The following EEA1 variants were observed in gnomAD, a reference collection of about 807,000 sequenced individuals.
EEA1 encodes the protein early endosome antigen 1, 162kD.
A neutral mutation model predicts 209.2 loss-of-function variants in EEA1; 111 were observed. The observed-to-expected ratio is 0.53, with a 90% CI of 0.45 to 0.62. The LOEUF (loss-of-function observed/expected upper bound fraction) is 0.62, where lower values mean the gene tolerates loss of function less well. Among genes scored for constraint, EEA1 ranks in the 20% least tolerant of loss-of-function variants. The pLI, the probability that EEA1 is intolerant of heterozygous loss-of-function variation, is 0.00. For missense variants in EEA1, 1,343 were observed against 1,530.8 expected, an observed-to-expected ratio of 0.88 and a Z score of 2.05; for synonymous variants, 536 against 540.6, an observed-to-expected ratio of 0.99 and a Z score of 0.12.
At chr12:92,882,836 G>A (rs1044055307) in intron 2 of EEA1, among the ~76,000 whole-genome samples, 4 of 152,108 alleles carry the variant, frequency 2.6e-5, no homozygotes, top group African/African-American at 7.2e-5. Context: ...TGGGCACATA[G>A]TCCGATTCCA....
intron 11 of EEA1, among the ~76,000 whole-genome samples, chr12:92,830,295 G>C (rs867528853): frequency 6.6e-6 from 1 of 152,050 alleles, no homozygotes; most frequent in Non-Finnish European, 1.5e-5. Flanking sequence ...GTACCCAATA[G>C]GCAGTTTTTC....
At chr12:92,842,332 T>G in intron 10 of EEA1, 133 bp downstream of exon 10, 1 of 524,460 alleles carries the variant, frequency 1.9e-6, no homozygotes, top group Non-Finnish European at 3.4e-6. Context: ...CACAATAATG[T>G]GAACATATTA....
chr12:92,821,377 T>C lies in EEA1; in HGVS notation c.1525-1866A>G, dbSNP rs187364043. Among the ~76,000 whole-genome samples, 8 of 152,320 alleles carry C rather than the reference T, an allele frequency of 5.3e-5. No homozygotes were observed. The East Asian group carries it at 1.3e-3, about 26-fold the overall frequency. On this transcript the variant is annotated intron_variant, in intron 13 of 28. Transcript: ENST00000322349. Reference sequence around the variant, plus strand: ...ACGTATTCAGCATATGCCTAGCTTTTCTTCCTGAACTTCCTGTGTAGATAC... The same window carrying C: ...ACGTATTCAGCATATGCCTAGCTTTCCTTCCTGAACTTCCTGTGTAGATAC...
Position 92,842,461 on chromosome 12 carries a change from T to C in EEA1, c.915+4A>G, listed in dbSNP as rs757948951. The C allele has an allele frequency of 1.4e-5, 20 of 1,423,282 alleles. No individual in the cohort carries two copies. The highest frequency in any genetic ancestry group is 2.0e-5 in the Non-Finnish European group (20 of 1,014,426). 88.2% of individuals were successfully genotyped at this position (1,423,282 alleles called of 1,614,324 possible). On this transcript the variant is annotated splice_donor_region_variant and intron_variant, in intron 10 of 28. Coordinates refer to ENST00000322349, the MANE Select transcript of EEA1 (RefSeq NM_003566.4). ...GCTATTATATATAGCTTTAAAATTC[T>C]CACCTGATTTTTTTGTGTTAATTCA...
intron 2 of EEA1, among the ~76,000 whole-genome samples, chr12:92,876,377 A>G (rs1878886301): frequency 6.6e-6 from 1 of 152,066 alleles, no homozygotes; most frequent in African/African-American, 2.4e-5. Context: ...CATGTTTAGT[A>G]TGTTTTTATT....
chr12:92,795,931 A>G (rs979921318), intron 21 of EEA1, among the ~76,000 whole-genome samples: 5 of 152,170 alleles, frequency 3.3e-5, no homozygotes, highest in South Asian at 2.1e-4. Flanking sequence ...AATAATGGCC[A>G]TAATAGCTCT....
At chr12:92,870,732 A>G (rs1425132990) in intron 2 of EEA1, among the ~76,000 whole-genome samples, 2 of 151,706 alleles carry the variant, frequency 1.3e-5, no homozygotes, top group Non-Finnish European at 2.9e-5. Context: ...GCTGGAGTGC[A>G]CAGGCATGAT....
At position 92,787,871 on chromosome 12, in the gene EEA1, A is replaced by C; in HGVS notation, c.3146T>G (p.Leu1049Arg). The part of the protein sequence containing the change: ...ESELLATRQD[L>R]KSVEEKLSLA... ...GTACAGTATAGTTTACTATACCTTA[A>C]GATCTTGCCTGGTGGCTAGAAGTTC... The change falls in exon 22 of 29, where the codon CTT (leucine) becomes CGT (arginine). Residue 1049 changes from leucine to arginine, a missense_variant. This residue lies in a region of EEA1 where 1,307 missense variants were observed against 1,465.5 expected (regional missense o/e 0.89). Coordinates refer to ENST00000322349, the MANE Select transcript of EEA1 (RefSeq NM_003566.4). 1 of 1,603,018 alleles carries C rather than the reference A, an allele frequency of 6.2e-7. No individual in the cohort carries two copies. The highest frequency in any genetic ancestry group is 8.5e-7 in the Non-Finnish European group (1 of 1,175,662).
intron 1 of EEA1, among the ~76,000 whole-genome samples, chr12:92,911,712 G>C (rs1475967757): frequency 6.6e-6 from 1 of 152,186 alleles, no homozygotes; most frequent in Non-Finnish European, 1.5e-5. Flanking sequence ...TTGATAATGG[G>C]GGAGTCTATG....
chr12:92,853,811 T>A (rs1299649305), intron 6 of EEA1, 104 bp downstream of exon 6: 6 of 1,002,528 alleles, frequency 6.0e-6, no homozygotes, highest in Non-Finnish European at 8.8e-6. Flanking sequence ...TCATAAAGCA[T>A]AACCATGAAA....
intron 7 of EEA1, 84 bp downstream of exon 7, chr12:92,852,825 TAAA>T: frequency 1.1e-6 from 1 of 887,470 alleles, no homozygotes; most frequent in Non-Finnish European, 1.8e-6. Context: ...TTTAACACAC[TAAA>T]ATACTATATT....
At position 92,770,917 on chromosome 12, in the gene EEA1, A is replaced by G. The variant is rs535391876; in HGVS notation, c.*5094T>C. On this transcript the variant is annotated 3_prime_UTR_variant, in exon 29 of 29. Coordinates refer to ENST00000322349, the MANE Select transcript of EEA1 (RefSeq NM_003566.4). ...GTGAAGTGTACAGATTTTCATAGACATAGTAAGGTATCTGTCTCTTAACTT... is the reference window on the plus strand; with the variant it reads ...GTGAAGTGTACAGATTTTCATAGACGTAGTAAGGTATCTGTCTCTTAACTT... 1 of 152,168 alleles carries G rather than the reference A, an allele frequency of 6.6e-6. No individual in the cohort carries two copies. The highest frequency in any genetic ancestry group is 1.5e-5 in the Non-Finnish European group (1 of 67,966). The allele number at this position is 152,168 out of a possible 1,614,324, so 9.4% of individuals were successfully genotyped here.
intron 2 of EEA1, among the ~76,000 whole-genome samples, chr12:92,890,147 G>T (rs988741708): frequency 6.6e-6 from 1 of 152,072 alleles, no homozygotes; most frequent in Non-Finnish European, 1.5e-5. Flanking sequence ...TTTGGTCTTG[G>T]TTTTATTCAT....
rs1207108319 is a variant in EEA1 at position 92,858,934 on chromosome 12, T to G, written c.246-1449A>C. Reference sequence around the variant, plus strand: ...GGGGTGTTCATGGAGGAGGTGCCTTTGAGGAAAGGATTATACTAAGATCAA... The same window carrying G: ...GGGGTGTTCATGGAGGAGGTGCCTTGGAGGAAAGGATTATACTAAGATCAA... On this transcript the variant is annotated intron_variant, in intron 3 of 28. Transcript: ENST00000322349. 5 of 703,966 alleles carry G rather than the reference T, an allele frequency of 7.1e-6. No homozygotes were observed. The East Asian group carries it at 1.3e-4, about 19-fold the overall frequency. The allele number at this position is 703,966 out of a possible 1,614,324, so 43.6% of individuals were successfully genotyped here. A position where few individuals can be genotyped will look rare whatever the true frequency, so the allele number is the denominator to read the frequency against.
Position 92,809,114 on chromosome 12 carries a change from G to A in EEA1, c.2242C>T (p.Gln748Ter). 1.2e-6 allele frequency: 2 copies of A among 1,600,014 alleles called. No individual in the cohort carries two copies. Among genetic ancestry groups the A allele is most frequent in the Non-Finnish European group, 1.7e-6 (2 of 1,172,776 alleles). Residue 748 changes from glutamine (Q) to a stop codon, truncating the protein, a stop_gained, in exon 18 of 29, where the codon CAG (glutamine) becomes TAG (stop). Coordinates refer to ENST00000322349, the MANE Select transcript of EEA1 (RefSeq NM_003566.4). LOFTEE classifies it high-confidence loss of function. The part of the protein sequence containing the change: ...DSLEVKASKE[Q>*]ALQDLQQQRQ... Reference sequence around the variant, plus strand: ...TGCTGTTGTAGATCTTGCAAAGCCTGCTCCTTGCTTGCTTTAACTTCAAGA... The same window carrying A: ...TGCTGTTGTAGATCTTGCAAAGCCTACTCCTTGCTTGCTTTAACTTCAAGA...
At chr12:92,907,490 C>T (rs1264128930) in intron 1 of EEA1, among the ~76,000 whole-genome samples, 1 of 152,172 alleles carries the variant, frequency 6.6e-6, no homozygotes, top group Admixed American at 6.6e-5. Context: ...CATCCAATCA[C>T]CAAGTTAATT....
chr12:92,805,777 T>C (rs921879943), intron 18 of EEA1, among the ~76,000 whole-genome samples: 5 of 152,190 alleles, frequency 3.3e-5, no homozygotes, highest in Admixed American at 3.3e-4. Context: ...TCTATGGCTA[T>C]ATATGTTCAG....
At chr12:92,824,948 G>C (rs1472778116) in intron 13 of EEA1, among the ~76,000 whole-genome samples, 1 of 152,168 alleles carries the variant, frequency 6.6e-6, no homozygotes, top group African/African-American at 2.4e-5. Context: ...AATGAATCCA[G>C]TATTTTGATC....
chr12:92,865,664 C>T (rs1878350351), intron 2 of EEA1, among the ~76,000 whole-genome samples: 1 of 151,952 alleles, frequency 6.6e-6, no homozygotes. Context: ...TTTTAGGTTG[C>T]AATTCATTAA....
Sources: gnomAD v4.1 joint callset for allele counts (sites outside exome capture counted in the v4.1 genomes callset) on GRCh38, gnomAD v4.1.1 for gene constraint, gnomAD v4.1.1 regional missense constraint, MANE v1.5 for transcripts, NCBI Gene and HGNC (gene_info 2026-07-23, HGNC 2026-07-21) for gene names.